SYT11: variants seen among roughly 807,000 people sequenced by gnomAD.
The protein encoded by SYT11 is synaptotagmin 11.
A neutral mutation model predicts 30.4 loss-of-function variants in SYT11; 12 were observed. The ratio of observed to expected loss-of-function variants is 0.39; its 90% confidence interval spans 0.25 to 0.64. SYT11 has a LOEUF of 0.64. Among genes scored for constraint, SYT11 ranks in the 30% least tolerant of loss-of-function variants. The pLI is 0.45. For missense variants in SYT11, 412 were observed against 552.0 expected, an observed-to-expected ratio of 0.75 and a Z score of 2.54; for synonymous variants, 204 against 216.0, an observed-to-expected ratio of 0.94 and a Z score of 0.49.
In SYT11 at chr1:155,883,651, C is replaced by T. The variant is rs1342716020; in HGVS notation, c.*2143C>T. The stretch of plus-strand genomic sequence containing the variant: ...TGTTGCTTAACAGCTTGATCCAGGG[C>T]GTGAAAGGTTAGTTGAGACTGAAGT... On this transcript the variant is annotated 3_prime_UTR_variant, in exon 4 of 4. Coordinates refer to ENST00000368324, the MANE Select transcript of SYT11 (RefSeq NM_152280.5). 4 of 152,076 alleles carry T rather than the reference C, an allele frequency of 2.6e-5. No homozygotes were observed. The highest frequency in any genetic ancestry group is 4.8e-5 in the African/African-American group (2 of 41,396). The allele number at this position is 152,076 out of a possible 1,614,324, so 9.4% of individuals were successfully genotyped here.
chr1:155,868,397 T>C lies in SYT11; in HGVS notation c.467T>C (p.Val156Ala). ...TTSPSSPEED[V>A]MLGSLTFSVD... ...TCTCCATCATCTCCAGAGGAGGATGTCATGCTAGGATCCCTCACCTTCTCA... is the reference window on the plus strand; with the variant it reads ...TCTCCATCATCTCCAGAGGAGGATGCCATGCTAGGATCCCTCACCTTCTCA... Residue 156 changes from valine to alanine, a missense_variant, in exon 2 of 4, where the codon GTC becomes GCC. Physicochemically the swap from Val to Ala is moderately conservative, Grantham distance 64. Coordinates refer to ENST00000368324, the MANE Select transcript of SYT11 (RefSeq NM_152280.5). This position sits in a 1 kb window ranked among gnomAD's most constrained non-coding sequence, Gnocchi z 4.7. 6 of 1,613,924 alleles carry C rather than the reference T, an allele frequency of 3.7e-6. No individual in the cohort carries two copies. The highest frequency in any genetic ancestry group is 4.2e-6 in the Non-Finnish European group (5 of 1,179,930).
At chr1:155,867,064 CTT>C (rs59482594) in intron 1 of SYT11, among the ~76,000 whole-genome samples, 1 of 145,908 alleles carries the variant, frequency 6.9e-6, no homozygotes, top group African/African-American at 2.5e-5. Context: ...GGAGGAATAC[CTT>C]TTTTTTTTTG....
intron 3 of SYT11, among the ~76,000 whole-genome samples, chr1:155,880,889 A>C (rs1557951179): frequency 6.6e-6 from 1 of 152,218 alleles, no homozygotes; most frequent in Admixed American, 6.5e-5. Flanking sequence ...GAGACTTCTC[A>C]AAAAGGCTGC....
Position 155,859,652 on chromosome 1 carries a change from C to A in SYT11, c.-110C>A. The A allele has an allele frequency of 2.9e-6, 3 of 1,051,278 alleles. No individual in the cohort carries two copies. The highest frequency in any genetic ancestry group is 2.1e-4 in the Middle Eastern group (1 of 4,668). 65.1% of individuals were successfully genotyped at this position (1,051,278 alleles called of 1,614,324 possible). On this transcript the variant is annotated 5_prime_UTR_variant, in exon 1 of 4. Coordinates refer to ENST00000368324, the MANE Select transcript of SYT11 (RefSeq NM_152280.5). ...GCAGGAGGCGTCCGCTGGATACCTT[C>A]CCCCTTCCCTGACCTAGAGCTCTAC...
At position 155,868,658 on chromosome 1, in the gene SYT11, A is replaced by T. The variant is rs777400944; in HGVS notation, c.728A>T (p.His243Leu). ...AGCCAGCTGCAGGACCTGGTGCTGC[A>T]CTTCCTTGTCCTCAGCTTTGACCGC... ...PYSQLQDLVL[H>L]FLVLSFDRFS... Residue 243 changes from histidine to leucine, a missense_variant, in exon 2 of 4, where the codon CAC (histidine) becomes CTC (leucine). Transcript: ENST00000368324. This position sits in a 1 kb window ranked among gnomAD's most constrained non-coding sequence, Gnocchi z 4.7. The T allele has an allele frequency of 2.5e-6, 4 of 1,614,072 alleles. No individual in the cohort carries two copies. In the African/African-American group the frequency reaches 5.3e-5, roughly 22 times the overall value.
intron 2 of SYT11, among the ~76,000 whole-genome samples, chr1:155,876,447 C>T (rs1672862525): frequency 6.6e-6 from 1 of 151,412 alleles, no homozygotes; most frequent in Admixed American, 6.6e-5. Context: ...GGGGTTTCAC[C>T]GTGTTAGCCA....
chr1:155,876,508 A>C (rs1391862024), intron 2 of SYT11, among the ~76,000 whole-genome samples: 1 of 151,572 alleles, frequency 6.6e-6, no homozygotes, highest in Non-Finnish European at 1.5e-5. Flanking sequence ...GGCCTCCCAA[A>C]GTGCTGTGAT....
rs1672962724 is a variant in SYT11 at position 155,881,544 on chromosome 1, G to A, written c.*36G>A. On this transcript the variant is annotated 3_prime_UTR_variant, in exon 4 of 4. Transcript: ENST00000368324. ...CTCTCCTCTAATCCCCGGGGGCCAA[G>A]CTGGGGAGGGATGTGGAGGGGAAAA... 6.5e-6 allele frequency: 10 copies of A among 1,542,728 alleles called. No homozygotes were observed. The highest frequency in any genetic ancestry group is 1.4e-5 in the African/African-American group (1 of 73,068).
intron 2 of SYT11, among the ~76,000 whole-genome samples, chr1:155,869,338 T>C (rs1020318792): frequency 1.6e-4 from 22 of 133,938 alleles, no homozygotes; most frequent in Admixed American, 9.7e-4. Flanking sequence ...TGGCGCAATC[T>C]CAGCTCATTG....
chr1:155,862,586 A>G (rs1389283507), intron 1 of SYT11, among the ~76,000 whole-genome samples: 1 of 152,178 alleles, frequency 6.6e-6, no homozygotes, highest in African/African-American at 2.4e-5. Context: ...TCCATTTTCT[A>G]ACAATAAAAG....
chr1:155,874,977 G>C (rs542914425), intron 2 of SYT11, among the ~76,000 whole-genome samples: 1 of 149,872 alleles, frequency 6.7e-6, no homozygotes, highest in African/African-American at 2.4e-5. Flanking sequence ...ACAATAGGCC[G>C]GGCATGGTGA....
rs1672737118 is a variant in SYT11 at position 155,868,925 on chromosome 1, G to A, written c.861+134G>A. The A allele has an allele frequency of 1.2e-6, 1 of 860,586 alleles. No homozygotes were observed. Among genetic ancestry groups the A allele is most frequent in the African/African-American group, 1.7e-5 (1 of 58,800 alleles). The allele number at this position is 860,586 out of a possible 1,614,324, so 53.3% of individuals were successfully genotyped here. A position where few individuals can be genotyped will look rare whatever the true frequency, so the allele number is the denominator to read the frequency against. The stretch of plus-strand genomic sequence containing the variant: ...AGAGAGGAAGCTCTTGGATGTCAAG[G>A]ATAAGCAGTGGTCAGAGTAAGACAG... On this transcript the variant is annotated intron_variant, in intron 2 of 3. Transcript: ENST00000368324. This position sits in a 1 kb window ranked among gnomAD's most constrained non-coding sequence, Gnocchi z 4.7.
intron 2 of SYT11, among the ~76,000 whole-genome samples, chr1:155,874,616 C>T (rs1490821134): frequency 2.7e-5 from 4 of 148,060 alleles, no homozygotes; most frequent in South Asian, 4.3e-4. Context: ...TAAGGCCGGG[C>T]GCGGTGGCTG....
intron 2 of SYT11, among the ~76,000 whole-genome samples, chr1:155,877,102 G>A (rs1334386973): frequency 1.3e-5 from 2 of 151,820 alleles, no homozygotes; most frequent in Non-Finnish European, 2.9e-5. Flanking sequence ...TAAGTAGCTG[G>A]GACTACAGGC....
At chr1:155,865,403 G>T (rs1319594856) in intron 1 of SYT11, among the ~76,000 whole-genome samples, 2 of 151,980 alleles carry the variant, frequency 1.3e-5, no homozygotes, top group Non-Finnish European at 2.9e-5. Flanking sequence ...CGAGGCAATT[G>T]GATCACTTGC....
rs571483590 is a variant in SYT11, at chr1:155,878,058, C to CA, written c.862-2441dup. Among the ~76,000 whole-genome samples the CA allele has an allele frequency of 4.4e-3, 672 of 152,190 alleles. 4 individuals are homozygous for CA. The highest frequency in any genetic ancestry group is 0.013 in the South Asian group (61 of 4,816). On this transcript the variant is annotated intron_variant, in intron 2 of 3. Coordinates refer to ENST00000368324, the MANE Select transcript of SYT11 (RefSeq NM_152280.5). ...AGGAATTTGAGATCAGCCTGGGCAA[C>CA]ATAGTGAGACCCTGTCTTTACAAAA...
chr1:155,874,478 T>TGTGAC lies in SYT11; in HGVS notation c.861+5687_861+5688insGTGAC, dbSNP rs1553226161. 6.5e-4 allele frequency among the ~76,000 whole-genome samples: 98 copies of TGTGAC among 151,586 alleles called. 1 individual carries two copies. Among genetic ancestry groups the TGTGAC allele is most frequent in the Non-Finnish European group, 8.4e-4 (57 of 67,794 alleles). On this transcript the variant is annotated intron_variant, in intron 2 of 3. Transcript: ENST00000368324. ...AGCTGAGCCTGGTAGCACATGCCTG[T>TGTGAC]AGTCCCATCTACTCAGGATGCTGAG...
At chr1:155,873,542 G>A (rs1672811713) in intron 2 of SYT11, among the ~76,000 whole-genome samples, 2 of 152,194 alleles carry the variant, frequency 1.3e-5, no homozygotes, top group Non-Finnish European at 2.9e-5. Context: ...ATTGAAGGAT[G>A]GCCCCAGAAA....
chr1:155,862,639 G>A (rs1235732241), intron 1 of SYT11, among the ~76,000 whole-genome samples: 2 of 152,140 alleles, frequency 1.3e-5, no homozygotes, highest in African/African-American at 4.8e-5. Flanking sequence ...GTTGCCCCCC[G>A]CTCCTCCACC....
Sources: gnomAD v4.1 joint callset for allele counts (sites outside exome capture counted in the v4.1 genomes callset) on GRCh38, gnomAD v4.1.1 for gene constraint, Gnocchi (gnomAD v3.1) non-coding constraint, MANE v1.5 for transcripts, NCBI Gene and HGNC (gene_info 2026-07-23, HGNC 2026-07-21) for gene names.